The following TBC1D32 variants were observed in gnomAD, a reference collection of about 807,000 sequenced individuals.
TBC1D32 encodes TBC1 domain family member 32.
TBC1D32 carries 151 observed loss-of-function variants against 170.3 expected under a neutral mutation model. The ratio of observed to expected loss-of-function variants is 0.89; its 90% CI spans 0.78 to 1.01. The LOEUF is 1.01. Ranked by LOEUF, TBC1D32 falls within the 50% of genes least tolerant of loss-of-function variation. TBC1D32 has a pLI of 0.00. For synonymous variants in TBC1D32, 498 were observed against 488.0 expected, an observed-to-expected ratio of 1.02 and a Z score of -0.27; for missense variants, 1,464 against 1,457.1, an observed-to-expected ratio of 1.00 and a Z score of -0.08.
intron 24 of TBC1D32, among the ~76,000 whole-genome samples, chr6:121,151,426 T>A (rs559660790): frequency 6.6e-6 from 1 of 152,192 alleles, no homozygotes; most frequent in African/African-American, 2.4e-5. Context: ...TCTAATTATG[T>A]GGTTGATTTT....
At chr6:121,087,383 T>C (rs575262858) in intron 31 of TBC1D32, among the ~76,000 whole-genome samples, 12 of 152,344 alleles carry the variant, frequency 7.9e-5, no homozygotes, top group Admixed American at 5.9e-4. Flanking sequence ...CTATTAGAAA[T>C]GTAGGCAATA....
chr6:121,280,082 T>C (rs960176337), intron 14 of TBC1D32, among the ~76,000 whole-genome samples: 73 of 151,916 alleles, frequency 4.8e-4, no homozygotes, highest in African/African-American at 1.7e-3. Flanking sequence ...TTATTACTAA[T>C]CATACTGTTT....
At chr6:121,154,039 C>CA (rs71018115) in intron 24 of TBC1D32, among the ~76,000 whole-genome samples, 94,260 of 129,562 alleles carry the variant, frequency 0.73, 35,636 homozygotes, top group Middle Eastern at 0.87. Flanking sequence ...CACTAGGGTA[C>CA]AAAAAAAAAA....
chr6:121,085,268 CATATAT>C (rs1464919398), intron 31 of TBC1D32, among the ~76,000 whole-genome samples: 1,651 of 145,992 alleles, frequency 0.011, 45 homozygotes, highest in African/African-American at 0.039. Flanking sequence ...CACATATATA[CATATAT>C]ACGTATATAT....
At chr6:121,173,186 A>C (rs1291068682) in intron 22 of TBC1D32, among the ~76,000 whole-genome samples, 2 of 152,246 alleles carry the variant, frequency 1.3e-5, no homozygotes, top group Non-Finnish European at 2.9e-5. Context: ...GAGCGTGGAA[A>C]GACTAGACTG....
rs183986865 is a variant in TBC1D32, at chr6:121,296,936, G to A, written c.1141-2276C>T. On this transcript the variant is annotated intron_variant, in intron 10 of 31. Transcript: ENST00000398212. ...AATAATCTCTCTCAAAGACTCTTTC[G>A]TTCATTTGAACCTTTAGAAATCCAC... is the stretch of plus-strand genomic sequence containing the variant. Among the ~76,000 whole-genome samples, 381 of 152,014 alleles carry A rather than the reference G, an allele frequency of 2.5e-3. 2 individuals are homozygous for A. The highest frequency in any genetic ancestry group is 3.9e-3 in the East Asian group (20 of 5,162).
At chr6:121,258,821 A>T (rs1799388886) in intron 15 of TBC1D32, among the ~76,000 whole-genome samples, 1 of 152,130 alleles carries the variant, frequency 6.6e-6, no homozygotes. Flanking sequence ...TCAATCAACT[A>T]GCCTCTTCTT....
chr6:121,224,663 C>T (rs775050988), intron 20 of TBC1D32, among the ~76,000 whole-genome samples: 4 of 151,936 alleles, frequency 2.6e-5, no homozygotes, highest in Non-Finnish European at 4.4e-5. Flanking sequence ...TATTTGACAC[C>T]GACACCCTTG....
chr6:121,115,145 C>T, intron 27 of TBC1D32, 27 bp downstream of exon 27: 2 of 1,552,188 alleles, frequency 1.3e-6, no homozygotes, highest in Admixed American at 1.9e-5. Flanking sequence ...TAGAAATGCA[C>T]AAGGGAGCTA....
At position 121,161,057 on chromosome 6, in the gene TBC1D32, C is replaced by G; in HGVS notation, c.2571-1G>C. ...TGATAAGCCATCAATTATAAAGTCC[C>G]TGAAAAAATAAATATATCACCTTTG... On this transcript the variant is annotated splice_acceptor_variant, in intron 22 of 31. Transcript: ENST00000398212. LOFTEE classifies it high-confidence loss of function. The G allele has an allele frequency of 1.9e-6, 3 of 1,600,402 alleles. No homozygotes were observed. The highest frequency in any genetic ancestry group is 2.6e-6 in the Non-Finnish European group (3 of 1,171,214).
chr6:121,298,790 T>C (rs1443055877), intron 10 of TBC1D32, among the ~76,000 whole-genome samples: 1 of 152,080 alleles, frequency 6.6e-6, no homozygotes, highest in Non-Finnish European at 1.5e-5. Flanking sequence ...TCACCTGACT[T>C]CCAAACTCAA....
At chr6:121,085,266 T>TAC (rs1187913507) in intron 31 of TBC1D32, among the ~76,000 whole-genome samples, 18 of 137,104 alleles carry the variant, frequency 1.3e-4, no homozygotes, top group Admixed American at 1.5e-4. Flanking sequence ...TACACATATA[T>TAC]ACATATATAC....
chr6:121,216,164 T>C (rs1040720349), intron 21 of TBC1D32, among the ~76,000 whole-genome samples: 8 of 152,206 alleles, frequency 5.3e-5, no homozygotes, highest in African/African-American at 9.7e-5. Flanking sequence ...TCAAATCAGC[T>C]GCCAGCAAAT....
chr6:121,100,841 C>G (rs146145259), intron 30 of TBC1D32, among the ~76,000 whole-genome samples: 7 of 151,070 alleles, frequency 4.6e-5, no homozygotes, highest in Admixed American at 3.3e-4. Flanking sequence ...GACTGCTAGC[C>G]AGACTAATAA....
intron 30 of TBC1D32, among the ~76,000 whole-genome samples, chr6:121,097,325 T>A (rs1053453609): frequency 1.6e-4 from 25 of 151,960 alleles, no homozygotes; most frequent in Non-Finnish European, 1.6e-4. Flanking sequence ...ATCCAGAATC[T>A]ACAAAGAACT....
intron 9 of TBC1D32, among the ~76,000 whole-genome samples, 164 bp downstream of exon 9, chr6:121,303,453 G>C (rs1315223006): frequency 6.6e-6 from 1 of 151,982 alleles, no homozygotes; most frequent in East Asian, 1.9e-4. Flanking sequence ...CTGAAAAATG[G>C]GGGTATTAAT....
intron 1 of TBC1D32, among the ~76,000 whole-genome samples, chr6:121,330,628 A>T (rs955968957): frequency 2.6e-5 from 4 of 152,180 alleles, no homozygotes; most frequent in African/African-American, 9.7e-5. Context: ...CTCTAACTGC[A>T]CATTAGACTT....
At chr6:121,179,374 C>T (rs989043563) in intron 22 of TBC1D32, among the ~76,000 whole-genome samples, 1 of 149,328 alleles carries the variant, frequency 6.7e-6, no homozygotes, top group African/African-American at 2.5e-5. Context: ...AATAAAACTC[C>T]AATAAATTTA....
chr6:121,133,178 G>C (rs1781628855), intron 24 of TBC1D32, among the ~76,000 whole-genome samples: 1 of 151,974 alleles, frequency 6.6e-6, no homozygotes, highest in Non-Finnish European at 1.5e-5. Flanking sequence ...CAAGATACTA[G>C]TGGTAAACGT....
Sources: gnomAD v4.1 joint callset for allele counts (sites outside exome capture counted in the v4.1 genomes callset) on GRCh38, gnomAD v4.1.1 for gene constraint, MANE v1.5 for transcripts, NCBI Gene and HGNC (gene_info 2026-07-23, HGNC 2026-07-21) for gene names.